Variants in PCDHA12 observed in about 807,000 individuals in gnomAD.
PCDHA12 encodes protocadherin alpha-12.
PCDHA12 carries 44 observed loss-of-function variants against 60.0 expected under a neutral mutation model. The observed-to-expected ratio is 0.73, with a 90% CI of 0.58 to 0.94. The LOEUF is 0.94. PCDHA12 is among the 40% of genes least tolerant of loss of function. The probability of loss-of-function intolerance (pLI) is 0.00; values close to 1 mark genes in which losing one functional copy is unlikely to be tolerated. For synonymous variants in PCDHA12, 569 were observed against 553.0 expected (o/e 1.03, Z -0.40); for missense variants, 1,276 against 1,239.7 (o/e 1.03, Z -0.44).
chr5:140,892,384 A>T (rs1313796499), intron 1 of PCDHA12, among the ~76,000 whole-genome samples: 1 of 152,162 alleles, frequency 6.6e-6, no homozygotes, highest in Non-Finnish European at 1.5e-5. Flanking sequence ...AATCATGGGT[A>T]ATCTTAATCT....
intron 3 of PCDHA12, among the ~76,000 whole-genome samples, chr5:140,985,765 A>G (rs2097169846): frequency 7.8e-6 from 1 of 128,516 alleles, no homozygotes; most frequent in African/African-American, 3.0e-5. Flanking sequence ...TTTTTGAGAC[A>G]GTCTCGCTCT....
intron 1 of PCDHA12, among the ~76,000 whole-genome samples, chr5:140,920,419 T>C (rs1282192714): frequency 6.6e-6 from 1 of 152,232 alleles, no homozygotes. Flanking sequence ...GATACAGCTG[T>C]TCTCCCACAC....
At chr5:141,002,203 G>T (rs2153973237) in intron 3 of PCDHA12, among the ~76,000 whole-genome samples, 1 of 152,296 alleles carries the variant, frequency 6.6e-6, no homozygotes, top group East Asian at 1.9e-4. Flanking sequence ...ATAGTCCCCG[G>T]CTTTAATCAA....
chr5:141,000,395 C>CTCTCTA (rs1213762225), intron 3 of PCDHA12, among the ~76,000 whole-genome samples: 5 of 53,980 alleles, frequency 9.3e-5, no homozygotes, highest in East Asian at 6.1e-4. Flanking sequence ...CTCTCTCTCT[C>CTCTCTA]TATATATATA....
At chr5:141,001,455 G>T (rs2098019131) in intron 3 of PCDHA12, among the ~76,000 whole-genome samples, 1 of 152,210 alleles carries the variant, frequency 6.6e-6, no homozygotes, top group Non-Finnish European at 1.5e-5. Flanking sequence ...ACTGTCAATT[G>T]AAGGACTAAG....
At chr5:141,002,682 G>A (rs536105955) in intron 3 of PCDHA12, among the ~76,000 whole-genome samples, 51 of 152,256 alleles carry the variant, frequency 3.3e-4, no homozygotes, top group African/African-American at 1.0e-3. Flanking sequence ...CCTATACGAC[G>A]TGCAGATTTG....
At chr5:140,912,844 C>T (rs960802369) in intron 1 of PCDHA12, among the ~76,000 whole-genome samples, 16 of 152,150 alleles carry the variant, frequency 1.1e-4, no homozygotes, top group Admixed American at 2.6e-4. Context: ...AATGCTTTTT[C>T]AGCATCAATT....
intron 1 of PCDHA12, among the ~76,000 whole-genome samples, chr5:140,956,442 T>A (rs557521776): frequency 2.6e-5 from 4 of 152,362 alleles, no homozygotes; most frequent in African/African-American, 9.6e-5. Flanking sequence ...GCTTATGTGA[T>A]GAATTACATT....
intron 1 of PCDHA12, among the ~76,000 whole-genome samples, chr5:140,924,969 A>C (rs781957377): frequency 5.3e-5 from 8 of 151,756 alleles, no homozygotes. Flanking sequence ...AGGTGAGTGC[A>C]GTGGCTCATG....
rs571034520 is a variant in PCDHA12 at position 140,922,140 on chromosome 5, A to G, written c.2367+44301A>G. ...CACCTTTAAATGTCTCTTATCCTCC[A>G]TGAAACTCATCAAAAACAACAAAAA... On this transcript the variant is annotated intron_variant, in intron 1 of 3. Coordinates refer to ENST00000398631, the MANE Select transcript of PCDHA12 (RefSeq NM_018903.4). Among the ~76,000 whole-genome samples the G allele has an allele frequency of 6.6e-5, 10 of 152,202 alleles. No individual in the cohort carries two copies. The East Asian group carries it at 1.9e-3, about 29-fold the overall frequency.
chr5:140,882,263 T>G (rs1554173290), intron 1 of PCDHA12: 3 of 1,604,900 alleles, frequency 1.9e-6, no homozygotes. Context: ...GTTTTTGGAG[T>G]GTACCATGCT....
chr5:140,946,782 C>T (rs1225488337), intron 1 of PCDHA12, among the ~76,000 whole-genome samples: 1 of 151,104 alleles, frequency 6.6e-6, no homozygotes, highest in African/African-American at 2.4e-5. Flanking sequence ...TGTAAAAAAG[C>T]TGATCTTATA....
chr5:140,998,690 A>G (rs1310258939), intron 3 of PCDHA12, among the ~76,000 whole-genome samples: 1 of 151,696 alleles, frequency 6.6e-6, no homozygotes, highest in Non-Finnish European at 1.5e-5. Flanking sequence ...TCAGCCTCCC[A>G]AGTAGCTGGG....
At chr5:140,927,472 G>T (rs201932518) in intron 1 of PCDHA12, 4 of 1,614,094 alleles carry the variant, frequency 2.5e-6, no homozygotes, top group African/African-American at 1.3e-5. Context: ...ACTGGATCGC[G>T]AACAGCGCGC....
chr5:140,902,555 T>C (rs538054274), intron 1 of PCDHA12, among the ~76,000 whole-genome samples: 1 of 152,182 alleles, frequency 6.6e-6, no homozygotes, highest in Non-Finnish European at 1.5e-5. Flanking sequence ...TATACCCAGA[T>C]TTTTGAGGGT....
chr5:140,979,434 A>G (rs1490433887), intron 2 of PCDHA12, among the ~76,000 whole-genome samples: 1 of 151,986 alleles, frequency 6.6e-6, no homozygotes, highest in South Asian at 2.1e-4. Context: ...CACATTGGCT[A>G]TTACATCCTA....
chr5:140,899,550 A>C (rs932403675), intron 1 of PCDHA12, among the ~76,000 whole-genome samples: 1 of 152,176 alleles, frequency 6.6e-6, no homozygotes, highest in Admixed American at 6.5e-5. Flanking sequence ...ATGGTGGATA[A>C]GCTTTTTGAT....
chr5:140,990,562 C>T (rs2097400496), intron 3 of PCDHA12, among the ~76,000 whole-genome samples: 1 of 152,210 alleles, frequency 6.6e-6, no homozygotes, highest in Non-Finnish European at 1.5e-5. Context: ...CAAGAACACA[C>T]ACCTGTTCGA....
chr5:140,987,898 A>T (rs1394668777), intron 3 of PCDHA12, among the ~76,000 whole-genome samples: 1 of 152,092 alleles, frequency 6.6e-6, no homozygotes, highest in Non-Finnish European at 1.5e-5. Context: ...CCCTAGTTTT[A>T]TATGGGGATT....
Sources: allele counts gnomAD v4.1 joint callset (sites outside exome capture counted in the v4.1 genomes callset), GRCh38; gene constraint gnomAD v4.1.1; transcripts MANE v1.5; gene names NCBI Gene and HGNC (gene_info 2026-07-23, HGNC 2026-07-21).